Variants in WHRN observed in about 807,000 individuals in gnomAD.
The protein encoded by WHRN is CASK-interacting protein CIP98.
WHRN carries 41 observed loss-of-function variants against 68.3 expected under a neutral mutation model. That is an observed-to-expected ratio of 0.60 (90% CI 0.47 to 0.78). WHRN has a LOEUF of 0.78. Ranked by LOEUF, WHRN falls within the 30% of genes least tolerant of loss-of-function variation. WHRN has a pLI of 0.00. For missense variants in WHRN, 1,243 were observed against 1,244.7 expected, an observed-to-expected ratio of 1.00 and a Z score of 0.02; for synonymous variants, 560 against 561.3, an observed-to-expected ratio of 1.00 and a Z score of 0.03.
chr9:114,422,634 G>T (rs892178333), intron 7 of WHRN, among the ~76,000 whole-genome samples: 1 of 152,096 alleles, frequency 6.6e-6, no homozygotes, highest in African/African-American at 2.4e-5. Flanking sequence ...AGGAGTTCGA[G>T]ACCAGCCTGG....
chr9:114,487,007 AT>A (rs1261764383), intron 1 of WHRN, among the ~76,000 whole-genome samples: 1 of 96,976 alleles, frequency 1.0e-5, no homozygotes. Context: ...ATATATATAT[AT>A]AATATATATA....
chr9:114,413,383 C>T (rs907164985), intron 7 of WHRN, among the ~76,000 whole-genome samples: 19 of 152,140 alleles, frequency 1.2e-4, no homozygotes, highest in Middle Eastern at 3.4e-3. Flanking sequence ...GGAAAGGCTA[C>T]GGGGGTAGGG....
In WHRN at chr9:114,402,787, G is replaced by C. The variant is rs1369165711; in HGVS notation, c.2691C>G (p.Asp897Glu). 6.2e-7 allele frequency: 1 copy of C among 1,614,080 alleles called. No homozygotes were observed. The highest frequency in any genetic ancestry group is 1.1e-5 in the South Asian group (1 of 91,088). ...TCACATTGAACTCAGTGACCAGAAA[G>C]TCAATGTAGTCACGGTCCTTAGTCT... is the stretch of plus-strand genomic sequence containing the variant. ...AFKTKDRDYI[D>E]FLVTEFNVML The change falls in exon 12 of 12, where the codon GAC becomes GAG. Residue 897 changes from aspartate to glutamate, a missense_variant. By Grantham distance (45) the Asp-to-Glu change is conservative. Transcript: ENST00000362057.
At chr9:114,447,909 A>T (rs1313330669) in intron 3 of WHRN, among the ~76,000 whole-genome samples, 1 of 152,200 alleles carries the variant, frequency 6.6e-6, no homozygotes, top group Non-Finnish European at 1.5e-5. Flanking sequence ...AGCAAAACCT[A>T]GGAGCCTGTG....
chr9:114,462,526 C>T (rs539824894), intron 3 of WHRN, among the ~76,000 whole-genome samples: 1 of 152,306 alleles, frequency 6.6e-6, no homozygotes, highest in East Asian at 1.9e-4. Flanking sequence ...AAGGAAACCC[C>T]AGGCTCTGTC....
chr9:114,425,337 G>A, intron 4 of WHRN: 1 of 606,400 alleles, frequency 1.6e-6, no homozygotes, highest in East Asian at 2.7e-5. Context: ...AATGGTGATT[G>A]ACAGGCAACC....
rs1479951912 is a variant in WHRN, at chr9:114,425,721, A to C, written c.1166+490T>G. ...CCTGAGATTTCTGATGAAGATCAAA[A>C]GGTGACACATTACACTGTTGGCAAC... On this transcript the variant is annotated intron_variant, in intron 4 of 11. Transcript: ENST00000362057. 3.2e-5 allele frequency: 8 copies of C among 246,838 alleles called. No homozygotes were observed. The Admixed American group carries it at 4.1e-4, about 13-fold the overall frequency. The allele number at this position is 246,838 out of a possible 1,614,324, so 15.3% of individuals were successfully genotyped here.
chr9:114,504,358 G>A lies in WHRN; in HGVS notation c.444C>T (p.Ala148=), dbSNP rs1265277505. 5 of 1,608,096 alleles carry A rather than the reference G, an allele frequency of 3.1e-6. No homozygotes were observed. Among genetic ancestry groups the A allele is most frequent in the Non-Finnish European group, 4.2e-6 (5 of 1,179,984 alleles). Residue 148 remains alanine, a synonymous_variant, in exon 1 of 12, where the codon GCC becomes GCT. Coordinates refer to ENST00000362057, the MANE Select transcript of WHRN (RefSeq NM_015404.4). ...VRLVSLRRAK[A]HEGLGFSIRG... ...GGATGCTGAAGCCCAAGCCCTCGTG[G>A]GCCTTGGCACGCCGCAAACTCACCA... is the stretch of plus-strand genomic sequence containing the variant.
intron 3 of WHRN, among the ~76,000 whole-genome samples, chr9:114,454,835 G>A (rs1189701157): frequency 6.6e-6 from 1 of 152,152 alleles, no homozygotes; most frequent in East Asian, 1.9e-4. Context: ...CAGTAAACAA[G>A]ATAGGGCAGT....
At chr9:114,476,326 C>A (rs1327650335) in intron 2 of WHRN, among the ~76,000 whole-genome samples, 2 of 151,986 alleles carry the variant, frequency 1.3e-5, no homozygotes, top group East Asian at 3.9e-4. Flanking sequence ...CCCCCACCCT[C>A]CCATCTGCTC....
intron 3 of WHRN, among the ~76,000 whole-genome samples, chr9:114,438,085 A>C (rs773487135): frequency 5.3e-5 from 8 of 152,148 alleles, no homozygotes; most frequent in Non-Finnish European, 1.2e-4. Context: ...AATACAAAAA[A>C]TTAGCCAGGT....
chr9:114,456,407 A>G (rs201631680), intron 3 of WHRN, among the ~76,000 whole-genome samples: 1,162 of 12,580 alleles, frequency 0.092, 6 homozygotes, highest in African/African-American at 0.19. Context: ...AAGGGGATAG[A>G]AGAAGAAAGG....
intron 3 of WHRN, among the ~76,000 whole-genome samples, chr9:114,445,599 C>G (rs933690461): frequency 1.3e-5 from 2 of 152,184 alleles, no homozygotes; most frequent in Admixed American, 6.5e-5. Context: ...AGGCCACCAT[C>G]ATCTCTCCCA....
intron 2 of WHRN, 33 bp from the exon 3 acceptor site, chr9:114,466,425 T>C (rs368530311): frequency 6.8e-6 from 11 of 1,612,978 alleles, no homozygotes; most frequent in Non-Finnish European, 9.3e-6. Flanking sequence ...TTAGAGGGAC[T>C]GGAGGAGCCA....
intron 2 of WHRN, among the ~76,000 whole-genome samples, chr9:114,477,092 C>G (rs1423267795): frequency 6.6e-6 from 1 of 152,228 alleles, no homozygotes; most frequent in Non-Finnish European, 1.5e-5. Context: ...GCGGCCCGGG[C>G]TGCTGTGGTG....
chr9:114,489,428 T>C (rs576845330), intron 1 of WHRN, among the ~76,000 whole-genome samples: 35 of 152,118 alleles, frequency 2.3e-4, no homozygotes, highest in African/African-American at 8.0e-4. Context: ...AATTTCAATA[T>C]AAATACTGTT....
chr9:114,407,356 A>C (rs1835110798), intron 8 of WHRN, among the ~76,000 whole-genome samples: 1 of 152,152 alleles, frequency 6.6e-6, no homozygotes, highest in African/African-American at 2.4e-5. Flanking sequence ...GCAAGGCACA[A>C]CACCTCTCTG....
chr9:114,472,428 G>C (rs762072745), intron 2 of WHRN, among the ~76,000 whole-genome samples: 1 of 152,170 alleles, frequency 6.6e-6, no homozygotes, highest in Non-Finnish European at 1.5e-5. Flanking sequence ...CAGATAGGAC[G>C]GATCCGTGTA....
At chr9:114,495,472 G>A (rs1450932476) in intron 1 of WHRN, among the ~76,000 whole-genome samples, 2 of 152,182 alleles carry the variant, frequency 1.3e-5, no homozygotes, top group South Asian at 2.1e-4. Flanking sequence ...CAATACTCAA[G>A]TGGGAGAAAG....
Sources: allele counts gnomAD v4.1 joint callset (sites outside exome capture counted in the v4.1 genomes callset), GRCh38; gene constraint gnomAD v4.1.1; transcripts MANE v1.5; gene names NCBI Gene and HGNC (gene_info 2026-07-23, HGNC 2026-07-21).